Variants in CADPS observed in about 807,000 individuals in gnomAD.
CADPS encodes calcium-dependent secretion activator 1.
A neutral mutation model predicts 167.3 loss-of-function variants in CADPS; 57 were observed. That is an observed-to-expected ratio of 0.34 (90% CI 0.28 to 0.42). The LOEUF (loss-of-function observed/expected upper bound fraction) is 0.42. Among genes scored for constraint, CADPS ranks in the 20% least tolerant of loss-of-function variants. The probability of loss-of-function intolerance (pLI) is 1.00; values close to 1 mark genes in which losing one functional copy is unlikely to be tolerated. For synonymous variants in CADPS, 676 were observed against 635.3 expected (o/e 1.06, Z -0.96); for missense variants, 1,414 against 1,738.1 (o/e 0.81, Z 3.32).
At chr3:62,714,135 C>T (rs2083944328) in intron 3 of CADPS, among the ~76,000 whole-genome samples, 1 of 151,984 alleles carries the variant, frequency 6.6e-6, no homozygotes, top group African/African-American at 2.4e-5. Context: ...CTCTTAAATG[C>T]AGGTAATGTA....
intron 1 of CADPS, among the ~76,000 whole-genome samples, chr3:62,801,960 T>C (rs1205755823): frequency 6.6e-6 from 1 of 152,172 alleles, no homozygotes; most frequent in Non-Finnish European, 1.5e-5. Context: ...GACATCACTC[T>C]TTGTTTTAGC....
intron 3 of CADPS, among the ~76,000 whole-genome samples, chr3:62,751,856 T>C (rs1201805388): frequency 6.6e-6 from 1 of 152,180 alleles, no homozygotes; most frequent in East Asian, 1.9e-4. Flanking sequence ...ATTCATTTTT[T>C]AGGAGAAAAC....
At chr3:62,664,735 G>A (rs950792480) in intron 3 of CADPS, among the ~76,000 whole-genome samples, 3 of 152,226 alleles carry the variant, frequency 2.0e-5, no homozygotes, top group Non-Finnish European at 4.4e-5. Flanking sequence ...AAGATATGGT[G>A]CTCGTACAGG....
At chr3:62,401,054 T>A (rs1453574980) in intron 29 of CADPS, among the ~76,000 whole-genome samples, 1 of 152,174 alleles carries the variant, frequency 6.6e-6, no homozygotes, top group Non-Finnish European at 1.5e-5. Context: ...GTAATCTGGT[T>A]TGACATTAAA....
intron 6 of CADPS, among the ~76,000 whole-genome samples, chr3:62,596,576 T>G (rs541754293): frequency 6.6e-6 from 1 of 152,308 alleles, no homozygotes; most frequent in Admixed American, 6.5e-5. Flanking sequence ...CCTCAAATAT[T>G]TATCATTTTT....
At chr3:62,823,496 A>G (rs975237132) in intron 1 of CADPS, among the ~76,000 whole-genome samples, 2 of 152,198 alleles carry the variant, frequency 1.3e-5, no homozygotes, top group African/African-American at 4.8e-5. Context: ...AGTTTTTAAA[A>G]TATTCTTTTT....
intron 16 of CADPS, chr3:62,513,697 C>T: frequency 1.3e-6 from 2 of 1,584,282 alleles, no homozygotes; most frequent in Non-Finnish European, 1.7e-6. Flanking sequence ...ATACATTTCT[C>T]TCTTTTTCCC....
chr3:62,482,779 G>A (rs144254429), intron 21 of CADPS, among the ~76,000 whole-genome samples: 13 of 152,106 alleles, frequency 8.5e-5, no homozygotes, highest in Non-Finnish European at 1.9e-4. Context: ...TGGCTTACAT[G>A]GGTGTGTGTT....
chr3:62,764,030 C>T (rs914416611), intron 2 of CADPS, among the ~76,000 whole-genome samples: 3 of 152,132 alleles, frequency 2.0e-5, no homozygotes, highest in Non-Finnish European at 4.4e-5. Flanking sequence ...ATAGAAATGA[C>T]ACTTTCTTTT....
intron 3 of CADPS, among the ~76,000 whole-genome samples, chr3:62,736,001 A>G (rs2152233447): frequency 6.6e-6 from 1 of 152,292 alleles, no homozygotes; most frequent in Non-Finnish European, 1.5e-5. Flanking sequence ...AACTGATACA[A>G]CTGATCTCCC....
intron 3 of CADPS, among the ~76,000 whole-genome samples, chr3:62,728,082 G>C (rs1212766099): frequency 6.6e-6 from 1 of 151,768 alleles, no homozygotes; most frequent in Non-Finnish European, 1.5e-5. Flanking sequence ...GGGAAATTGA[G>C]GCTTATCAAC....
chr3:62,660,332 T>A (rs1285579413), intron 4 of CADPS, among the ~76,000 whole-genome samples: 1 of 152,204 alleles, frequency 6.6e-6, no homozygotes, highest in African/African-American at 2.4e-5. Context: ...ATTTTCTGGA[T>A]AATCCACCAG....
chr3:62,426,747 C>T (rs1017038870), intron 28 of CADPS, among the ~76,000 whole-genome samples: 4 of 151,966 alleles, frequency 2.6e-5, no homozygotes, highest in Admixed American at 6.6e-5. Flanking sequence ...AACATCTGCT[C>T]GATATAAAGA....
At chr3:62,812,343 A>G (rs17202018) in intron 1 of CADPS, among the ~76,000 whole-genome samples, 27,904 of 152,146 alleles carry the variant, frequency 0.18, 2,969 homozygotes, top group Middle Eastern at 0.34. Context: ...GGTGGCCTTC[A>G]AGTGAGGTGA....
At chr3:62,600,812 A>G (rs1053210647) in intron 6 of CADPS, among the ~76,000 whole-genome samples, 6 of 152,198 alleles carry the variant, frequency 3.9e-5, no homozygotes, top group Admixed American at 6.5e-5. Flanking sequence ...GGATAAGAAT[A>G]TTTAGTTTTA....
At chr3:62,409,925 C>A (rs1011322684) in intron 28 of CADPS, among the ~76,000 whole-genome samples, 4 of 152,266 alleles carry the variant, frequency 2.6e-5, no homozygotes, top group African/African-American at 7.2e-5. Context: ...AGTCACAAAT[C>A]CAGTGAAAAT....
chr3:62,749,776 C>A (rs1305641541), intron 3 of CADPS, among the ~76,000 whole-genome samples: 2 of 152,124 alleles, frequency 1.3e-5, no homozygotes, highest in Non-Finnish European at 2.9e-5. Flanking sequence ...TTGCTACCTG[C>A]CTATGCAGAC....
rs1323970230 is a variant in CADPS at position 62,530,659 on chromosome 3, C to G, written c.2291+2212G>C. On this transcript the variant is annotated intron_variant, in intron 13 of 29. Coordinates refer to ENST00000383710, the MANE Select transcript of CADPS (RefSeq NM_003716.4). The stretch of plus-strand genomic sequence containing the variant: ...ATACACACATAACTTCTTACCTTTT[C>G]AGCTCTTGATTTGCCTGGGTTTTGG... 2.3e-6 allele frequency: 3 copies of G among 1,287,078 alleles called. No individual in the cohort carries two copies. The East Asian group carries it at 1.7e-4, about 72-fold the overall frequency. The allele number at this position is 1,287,078 out of a possible 1,614,324, so 79.7% of individuals were successfully genotyped here.
intron 1 of CADPS, among the ~76,000 whole-genome samples, chr3:62,789,664 G>A (rs1322646543): frequency 1.3e-5 from 2 of 152,162 alleles, no homozygotes; most frequent in East Asian, 3.9e-4. Context: ...AACAACAGAA[G>A]TAATCCATAT....
Sources: allele counts gnomAD v4.1 joint callset (sites outside exome capture counted in the v4.1 genomes callset), GRCh38; gene constraint gnomAD v4.1.1; transcripts MANE v1.5; gene names NCBI Gene and HGNC (gene_info 2026-07-23, HGNC 2026-07-21).